Variants in ATP8A2 observed in about 807,000 individuals in gnomAD.
The protein encoded by ATP8A2 is phospholipid-transporting ATPase IB.
ATP8A2 carries 100 observed loss-of-function variants against 165.6 expected under a neutral mutation model. The observed-to-expected ratio is 0.60, with a 90% confidence interval of 0.51 to 0.71. The LOEUF (loss-of-function observed/expected upper bound fraction) is 0.71. Ranked by LOEUF, ATP8A2 falls within the 30% of genes least tolerant of loss-of-function variation. The pLI is 0.00. For synonymous variants in ATP8A2, 543 were observed against 548.8 expected, an observed-to-expected ratio of 0.99 and a Z score of 0.15; for missense variants, 1,227 against 1,479.5, an observed-to-expected ratio of 0.83 and a Z score of 2.80.
At chr13:25,892,926 G>A (rs921263802) in intron 33 of ATP8A2, among the ~76,000 whole-genome samples, 2 of 151,790 alleles carry the variant, frequency 1.3e-5, no homozygotes, top group Admixed American at 6.6e-5. Context: ...TTAAGTGGTT[G>A]GTAATATTAG....
At chr13:25,837,422 A>G in intron 29 of ATP8A2, 137 bp downstream of exon 29, 1 of 400,168 alleles carries the variant, frequency 2.5e-6, no homozygotes, top group Non-Finnish European at 4.0e-6. Flanking sequence ...TCACCCCACC[A>G]CCACACACAC....
chr13:25,424,465 GT>G, intron 1 of ATP8A2, among the ~76,000 whole-genome samples: 2 of 152,246 alleles, frequency 1.3e-5, no homozygotes, highest in South Asian at 2.1e-4. Flanking sequence ...TCTCCTCTGA[GT>G]ACTGCTCATG....
intron 24 of ATP8A2, among the ~76,000 whole-genome samples, chr13:25,665,264 C>T (rs2042127800): frequency 6.6e-6 from 1 of 152,098 alleles, no homozygotes; most frequent in Non-Finnish European, 1.5e-5. Flanking sequence ...TAAGTCAAAA[C>T]AGATTATTCA....
At chr13:25,403,268 C>T (rs1427452410) in intron 1 of ATP8A2, among the ~76,000 whole-genome samples, 2 of 152,160 alleles carry the variant, frequency 1.3e-5, no homozygotes, top group African/African-American at 4.8e-5. Flanking sequence ...TGATCTTGAT[C>T]TTCCCTGCCT....
Position 25,693,813 on chromosome 13 carries a change from C to T in ATP8A2, c.2212-5360C>T, listed in dbSNP as rs1336404179. On this transcript the variant is annotated intron_variant, in intron 24 of 36. Coordinates refer to ENST00000381655, the MANE Select transcript of ATP8A2 (RefSeq NM_016529.6). ...CAAGTGATTCTCCCACCTCAGCCTC[C>T]CAAGTAGTTGGAAATACAAGGGTGT... Among the ~76,000 whole-genome samples the T allele has an allele frequency of 6.6e-5, 10 of 152,188 alleles. No homozygotes were observed. In the East Asian group the frequency reaches 1.9e-3, roughly 29 times the overall value.
intron 1 of ATP8A2, among the ~76,000 whole-genome samples, chr13:25,411,872 C>G (rs1240948516): frequency 6.6e-6 from 1 of 152,138 alleles, no homozygotes; most frequent in Non-Finnish European, 1.5e-5. Flanking sequence ...TTTACCTTTT[C>G]TTTTGCAGTA....
At chr13:25,504,697 G>C (rs564149527) in intron 2 of ATP8A2, among the ~76,000 whole-genome samples, 16 of 132,418 alleles carry the variant, frequency 1.2e-4, no homozygotes, top group Non-Finnish European at 2.2e-4. Flanking sequence ...CCGAGATTGC[G>C]CCACTGCAGT....
At chr13:25,764,343 G>T (rs2044447498) in intron 25 of ATP8A2, among the ~76,000 whole-genome samples, 1 of 152,114 alleles carries the variant, frequency 6.6e-6, no homozygotes, top group Non-Finnish European at 1.5e-5. Context: ...AAGCAAAGAA[G>T]AAAAACCTAC....
In ATP8A2 at chr13:25,862,378, C is replaced by G. The variant is rs368697864; in HGVS notation, c.3153C>G (p.Thr1051=). The part of the protein sequence containing the change: ...FFGIYSTIWP[T]IPIAPDMRGQ... ...GCATCTACTCGACCATCTGGCCCAC[C>G]ATTCCCATTGCTCCAGATATGAGAG... is the stretch of plus-strand genomic sequence containing the variant. The change falls in exon 33 of 37, where the codon ACC becomes ACG. Residue 1051 remains threonine, a synonymous_variant. Transcript: ENST00000381655. The G allele has an allele frequency of 2.5e-6, 4 of 1,613,890 alleles. No homozygotes were observed. Among genetic ancestry groups the G allele is most frequent in the Admixed American group, 1.7e-5 (1 of 60,008 alleles).
intron 33 of ATP8A2, among the ~76,000 whole-genome samples, chr13:25,867,122 T>A (rs1417244820): frequency 6.6e-6 from 1 of 151,656 alleles, no homozygotes; most frequent in Non-Finnish European, 1.5e-5. Context: ...TCCAGCCAGT[T>A]TCTGGACTGG....
intron 27 of ATP8A2, among the ~76,000 whole-genome samples, chr13:25,813,822 G>C (rs1950941163): frequency 6.6e-6 from 1 of 152,170 alleles, no homozygotes; most frequent in Admixed American, 6.5e-5. Flanking sequence ...GAGGACAGCA[G>C]ATTGCCCTCC....
At chr13:25,944,729 G>T (rs1194130458) in intron 33 of ATP8A2, 1 of 152,218 alleles carries the variant, frequency 6.6e-6, no homozygotes, top group Admixed American at 6.5e-5. Context: ...AATAGCCACT[G>T]CCCTCCAGCC....
At chr13:25,686,288 C>T (rs984106043) in intron 24 of ATP8A2, among the ~76,000 whole-genome samples, 1 of 152,176 alleles carries the variant, frequency 6.6e-6, no homozygotes, top group Non-Finnish European at 1.5e-5. Flanking sequence ...GCGGATGCGT[C>T]ACGGGCCTGA....
rs1017151267 is a variant in ATP8A2, at chr13:25,750,908, G to C, written c.2385-18138G>C. On this transcript the variant is annotated intron_variant, in intron 25 of 36. Coordinates refer to ENST00000381655, the MANE Select transcript of ATP8A2 (RefSeq NM_016529.6). The surrounding 1 kb of genome is among the most constrained non-coding windows in gnomAD (Gnocchi z 4.3). ...TGAGATTGTGTTGTTCTCTGTCCAGGGTCCAACAGGGAACTGAAATCTTGG... is the reference window on the plus strand; with the variant it reads ...TGAGATTGTGTTGTTCTCTGTCCAGCGTCCAACAGGGAACTGAAATCTTGG... Among the ~76,000 whole-genome samples the C allele has an allele frequency of 6.6e-6, 1 of 152,096 alleles. No individual in the cohort carries two copies. Among genetic ancestry groups the C allele is most frequent in the African/African-American group, 2.4e-5 (1 of 41,418 alleles).
chr13:25,606,563 T>C (rs747667545), intron 24 of ATP8A2, among the ~76,000 whole-genome samples: 15 of 152,216 alleles, frequency 9.9e-5, no homozygotes, highest in Admixed American at 4.6e-4. Flanking sequence ...ATTTAAATTA[T>C]AAGCCTACTG....
intron 27 of ATP8A2, among the ~76,000 whole-genome samples, chr13:25,806,038 T>A (rs1432706646): frequency 6.6e-6 from 1 of 152,196 alleles, no homozygotes; most frequent in Non-Finnish European, 1.5e-5. Context: ...GGGAGATCAT[T>A]CTTCATTTGT....
chr13:25,668,013 G>T (rs1593167182), intron 24 of ATP8A2, among the ~76,000 whole-genome samples: 1 of 151,986 alleles, frequency 6.6e-6, no homozygotes, highest in South Asian at 2.1e-4. Context: ...TATTAATATA[G>T]ATTTATAGTT....
Position 25,372,927 on chromosome 13 carries a change from A to G in ATP8A2, c.76+639A>G, listed in dbSNP as rs570677937. 3.0e-4 allele frequency among the ~76,000 whole-genome samples: 46 copies of G among 152,282 alleles called. 1 individual carries two copies. The highest frequency in any genetic ancestry group is 1.1e-3 in the African/African-American group (45 of 41,560). Reference sequence around the variant, plus strand: ...CACACACGTACACACGCACGCGTACACATACCCTGCCTGCAGGCGCCTGGG... The same window carrying G: ...CACACACGTACACACGCACGCGTACGCATACCCTGCCTGCAGGCGCCTGGG... On this transcript the variant is annotated intron_variant, in intron 1 of 36. Coordinates refer to ENST00000381655, the MANE Select transcript of ATP8A2 (RefSeq NM_016529.6). This position sits in a 1 kb window ranked among gnomAD's most constrained non-coding sequence, Gnocchi z 4.8.
chr13:25,818,795 A>G (rs1951089462), intron 27 of ATP8A2, among the ~76,000 whole-genome samples: 1 of 152,184 alleles, frequency 6.6e-6, no homozygotes, highest in African/African-American at 2.4e-5. Flanking sequence ...CTGTGTGCCC[A>G]CCTGTGTGCT....
Sources: allele counts gnomAD v4.1 joint callset (sites outside exome capture counted in the v4.1 genomes callset), GRCh38; gene constraint gnomAD v4.1.1; non-coding constraint Gnocchi (gnomAD v3.1); transcripts MANE v1.5; gene names NCBI Gene and HGNC (gene_info 2026-07-23, HGNC 2026-07-21).